The following CADPS2 variants were observed in gnomAD, a reference collection of about 807,000 sequenced individuals.
CADPS2 encodes calcium-dependent secretion activator 2.
In CADPS2, 93 loss-of-function variants were observed where a neutral mutation model predicts 172.5. The ratio of observed to expected loss-of-function variants is 0.54; its 90% CI spans 0.46 to 0.64. CADPS2 has a LOEUF of 0.64. Among genes scored for constraint, CADPS2 ranks in the 30% least tolerant of loss-of-function variants. The pLI is 0.00. For missense variants in CADPS2, 1,420 were observed against 1,565.9 expected (o/e 0.91, Z 1.57); for synonymous variants, 546 against 555.2 (o/e 0.98, Z 0.23).
intron 1 of CADPS2, among the ~76,000 whole-genome samples, chr7:122,816,568 C>G (rs1233961275): frequency 6.6e-6 from 1 of 152,196 alleles, no homozygotes; most frequent in African/African-American, 2.4e-5. Flanking sequence ...ATTGCTGGAT[C>G]ATACAGTAGT....
chr7:122,606,992 G>A lies in CADPS2; in HGVS notation c.1223+8189C>T, dbSNP rs964623227. On this transcript the variant is annotated intron_variant, in intron 6 of 29. Coordinates refer to ENST00000449022, the MANE Select transcript of CADPS2 (RefSeq NM_017954.11). Reference sequence around the variant, plus strand: ...ATTCATCGGAGAAGAGTTACATGTGGACACCTGATATGACAAACGGCATTT... The same window carrying A: ...ATTCATCGGAGAAGAGTTACATGTGAACACCTGATATGACAAACGGCATTT... Among the ~76,000 whole-genome samples the A allele has an allele frequency of 7.2e-5, 11 of 152,184 alleles. No individual in the cohort carries two copies. The East Asian group carries it at 1.9e-3, about 27-fold the overall frequency.
intron 6 of CADPS2, chr7:122,585,711 C>G (rs1022644269): frequency 2.6e-5 from 4 of 151,902 alleles, no homozygotes; most frequent in Non-Finnish European, 4.4e-5. Context: ...TATGAGGATT[C>G]AGAATTCCAA....
intron 20 of CADPS2, among the ~76,000 whole-genome samples, chr7:122,405,039 G>A (rs1251966318): frequency 1.3e-5 from 2 of 151,882 alleles, no homozygotes; most frequent in African/African-American, 2.4e-5. Context: ...CCGAGATCGC[G>A]TCATTGCACT....
intron 2 of CADPS2, among the ~76,000 whole-genome samples, chr7:122,677,139 C>T (rs1208788469): frequency 1.4e-4 from 22 of 152,202 alleles, no homozygotes; most frequent in Admixed American, 1.4e-3. Context: ...TTGCTTCCTT[C>T]CTAGAGCTTA....
chr7:122,537,534 T>C (rs2062434462), intron 8 of CADPS2, among the ~76,000 whole-genome samples: 1 of 151,748 alleles, frequency 6.6e-6, no homozygotes, highest in African/African-American at 2.4e-5. Context: ...AAAAAAACTT[T>C]TCCTTGAGTA....
At chr7:122,604,574 C>G (rs1483506888) in intron 6 of CADPS2, among the ~76,000 whole-genome samples, 1 of 152,084 alleles carries the variant, frequency 6.6e-6, no homozygotes, top group African/African-American at 2.4e-5. Flanking sequence ...TATGACAACA[C>G]TAAAGTCTTT....
At chr7:122,470,588 G>A (rs767470728) in intron 14 of CADPS2, among the ~76,000 whole-genome samples, 6 of 151,894 alleles carry the variant, frequency 4.0e-5, no homozygotes, top group East Asian at 1.9e-4. Flanking sequence ...TCTGCCTCCC[G>A]GGTTCAAGCG....
At chr7:122,581,594 A>C (rs558230257) in intron 6 of CADPS2, among the ~76,000 whole-genome samples, 1 of 152,312 alleles carries the variant, frequency 6.6e-6, no homozygotes, top group South Asian at 2.1e-4. Flanking sequence ...TTACTTTATT[A>C]ATTCAAATGT....
At chr7:122,458,252 TC>T (rs199819452) in intron 14 of CADPS2, among the ~76,000 whole-genome samples, 1 of 152,210 alleles carries the variant, frequency 6.6e-6, no homozygotes, top group East Asian at 1.9e-4. Context: ...CCCACCAATA[TC>T]CATTTGTGAA....
At chr7:122,513,114 G>A in intron 9 of CADPS2, 135 bp downstream of exon 9, 2 of 621,074 alleles carry the variant, frequency 3.2e-6, no homozygotes, top group East Asian at 2.8e-5. Context: ...TGTAATGAAT[G>A]TACTGCTTTT....
chr7:122,517,817 T>C (rs1354640260), intron 8 of CADPS2, among the ~76,000 whole-genome samples: 2 of 151,988 alleles, frequency 1.3e-5, no homozygotes, highest in East Asian at 1.9e-4. Flanking sequence ...GGCTGGAATG[T>C]GGAGGGAATG....
chr7:122,655,895 C>T (rs1049244737), intron 3 of CADPS2, among the ~76,000 whole-genome samples: 4 of 152,018 alleles, frequency 2.6e-5, no homozygotes, highest in Non-Finnish European at 5.9e-5. Flanking sequence ...AGTTTTAGTT[C>T]AGACATATAA....
chr7:122,423,710 G>A (rs1055950550), intron 17 of CADPS2, among the ~76,000 whole-genome samples: 1 of 152,028 alleles, frequency 6.6e-6, no homozygotes, highest in African/African-American at 2.4e-5. Flanking sequence ...CCATTTCTTG[G>A]CTTAAGCATG....
chr7:122,640,057 A>G (rs1333693341), intron 3 of CADPS2, among the ~76,000 whole-genome samples: 3 of 152,074 alleles, frequency 2.0e-5, no homozygotes, highest in Non-Finnish European at 4.4e-5. Flanking sequence ...TCAGCTCCGT[A>G]CCCCGATCAT....
chr7:122,406,263 T>G (rs2046626516), intron 20 of CADPS2, among the ~76,000 whole-genome samples: 1 of 152,198 alleles, frequency 6.6e-6, no homozygotes, highest in Non-Finnish European at 1.5e-5. Flanking sequence ...ATAAAGATTT[T>G]TCTTTAAACA....
At chr7:122,638,624 C>A (rs1588038018) in intron 3 of CADPS2, among the ~76,000 whole-genome samples, 2 of 152,206 alleles carry the variant, frequency 1.3e-5, no homozygotes, top group South Asian at 4.1e-4. Flanking sequence ...TCTGCAAAAA[C>A]TCTGGGTAGC....
At chr7:122,344,638 ATTTG>A (rs1014715939) in intron 28 of CADPS2, among the ~76,000 whole-genome samples, 7 of 152,192 alleles carry the variant, frequency 4.6e-5, no homozygotes, top group African/African-American at 1.7e-4. Context: ...ACTGCAGCTT[ATTTG>A]TTTGTTTAAC....
intron 22 of CADPS2, among the ~76,000 whole-genome samples, chr7:122,389,035 T>G (rs1033834218): frequency 3.2e-4 from 48 of 152,136 alleles, no homozygotes; most frequent in South Asian, 4.2e-4. Context: ...AGAACAAACA[T>G]TGTAACTGTT....
chr7:122,668,447 A>T (rs78724484), intron 2 of CADPS2, among the ~76,000 whole-genome samples: 575 of 152,126 alleles, frequency 3.8e-3, no homozygotes, highest in Non-Finnish European at 6.5e-3. Flanking sequence ...GTCAAGACAA[A>T]ATCTTCTGAA....
Sources: allele counts gnomAD v4.1 joint callset (sites outside exome capture counted in the v4.1 genomes callset), GRCh38; gene constraint gnomAD v4.1.1; transcripts MANE v1.5; gene names NCBI Gene and HGNC (gene_info 2026-07-23, HGNC 2026-07-21).